DPP6: variants seen among roughly 807,000 people sequenced by gnomAD.
DPP6 encodes dipeptidyl peptidase like 6.
In DPP6, 69 loss-of-function variants were observed where a neutral mutation model predicts 122.6. That is an observed-to-expected ratio of 0.56 (90% CI 0.46 to 0.69). The LOEUF (loss-of-function observed/expected upper bound fraction) is 0.69, where lower values mean the gene tolerates loss of function less well. Ranked by LOEUF, DPP6 falls within the 30% of genes least tolerant of loss-of-function variation. DPP6 has a pLI of 0.00. For missense variants in DPP6, 928 were observed against 1,116.9 expected (o/e 0.83, Z 2.41); for synonymous variants, 418 against 433.1 (o/e 0.97, Z 0.43).
intron 10 of DPP6, among the ~76,000 whole-genome samples, chr7:154,792,320 T>C (rs1219571800): frequency 6.6e-6 from 1 of 152,256 alleles, no homozygotes; most frequent in East Asian, 1.9e-4. Context: ...TAAATGGCAG[T>C]TTCCCTGCAC....
Position 154,760,841 on chromosome 7 carries a change from G to GTTTTT in DPP6, c.884-8567_884-8563dup, listed in dbSNP as rs60134336. Among the ~76,000 whole-genome samples, 22 of 145,488 alleles carry GTTTTT rather than the reference G, an allele frequency of 1.5e-4. No individual in the cohort carries two copies. Among genetic ancestry groups the GTTTTT allele is most frequent in the African/African-American group, 5.6e-4 (22 of 39,340 alleles). On this transcript the variant is annotated intron_variant, in intron 8 of 25. Transcript: ENST00000377770. This position sits in a 1 kb window ranked among gnomAD's most constrained non-coding sequence, Gnocchi z 4.5. ...TCAGCCTTCCTCTTTCAAAACTTTT[G>GTTTTT]TTTTTTTTTTTTTGAGACAGTCTTG...
At chr7:154,322,679 A>G (rs1808081099) in intron 1 of DPP6, among the ~76,000 whole-genome samples, 3 of 152,220 alleles carry the variant, frequency 2.0e-5, no homozygotes. Context: ...CGACTCTAGC[A>G]AATCTCTTAA....
intron 1 of DPP6, among the ~76,000 whole-genome samples, chr7:154,394,472 T>C (rs915103692): frequency 2.3e-5 from 3 of 129,338 alleles, no homozygotes; most frequent in Admixed American, 8.5e-5. Context: ...AGAAGTTCTC[T>C]ATTTGTTAAT....
intron 16 of DPP6, among the ~76,000 whole-genome samples, chr7:154,834,678 G>A (rs1800907638): frequency 1.3e-5 from 2 of 152,254 alleles, no homozygotes; most frequent in Admixed American, 1.3e-4. Flanking sequence ...AGCGTAAAGT[G>A]CAAGACCTTC....
intron 7 of DPP6, among the ~76,000 whole-genome samples, chr7:154,708,477 T>C (rs1412264688): frequency 2.0e-5 from 3 of 152,214 alleles, no homozygotes; most frequent in Non-Finnish European, 4.4e-5. Flanking sequence ...AAGATTTCTT[T>C]TTGTTATTTT....
At chr7:154,310,359 C>A (rs180741289) in intron 1 of DPP6, among the ~76,000 whole-genome samples, 2 of 152,354 alleles carry the variant, frequency 1.3e-5, no homozygotes, top group African/African-American at 4.8e-5. Flanking sequence ...AGTTCACAAT[C>A]TTTTGGGATC....
the DPP6 span, among the ~76,000 whole-genome samples, chr7:153,817,582 T>C: frequency 1.3e-5 from 2 of 151,872 alleles, no homozygotes; most frequent in Non-Finnish European, 2.9e-5. Context: ...TGGAATACTA[T>C]GCAGCCATCA....
intron 1 of DPP6, among the ~76,000 whole-genome samples, chr7:153,977,031 C>T (rs574374863): frequency 2.0e-4 from 30 of 152,340 alleles, no homozygotes; most frequent in Non-Finnish European, 2.8e-4. Flanking sequence ...CTGCACACTT[C>T]TTCTAAGCTG....
chr7:154,797,141 GA>G (rs1385479102), intron 12 of DPP6, among the ~76,000 whole-genome samples: 6 of 152,112 alleles, frequency 3.9e-5, no homozygotes, highest in Admixed American at 3.9e-4. Flanking sequence ...ACAATAAAAG[GA>G]ACATTTTGTA....
At chr7:154,336,343 G>A (rs769042957) in intron 1 of DPP6, among the ~76,000 whole-genome samples, 5 of 152,168 alleles carry the variant, frequency 3.3e-5, no homozygotes, top group East Asian at 1.9e-4. Context: ...GGGATGGTAT[G>A]TGCTCTCCAT....
At position 154,631,495 on chromosome 7, in the gene DPP6, A is replaced by C. The variant is rs573693524; in HGVS notation, c.628-6326A>C. 9.9e-5 allele frequency among the ~76,000 whole-genome samples: 15 copies of C among 152,124 alleles called. No homozygotes were observed. In the East Asian group the frequency reaches 2.3e-3, roughly 24 times the overall value. On this transcript the variant is annotated intron_variant, in intron 5 of 25. Coordinates refer to ENST00000377770, the MANE Select transcript of DPP6 (RefSeq NM_130797.4). ...TGAAGCAGTGTAGACTTTGCTTGTG[A>C]AGGGCCATGATAGTTACAAGAAGGA...
chr7:154,329,659 G>C (rs1322119686), intron 1 of DPP6, among the ~76,000 whole-genome samples: 1 of 152,132 alleles, frequency 6.6e-6, no homozygotes, highest in Non-Finnish European at 1.5e-5. Context: ...AATACCATTT[G>C]ACCCAGCAAT....
At chr7:154,823,355 G>A (rs1252248307) in intron 16 of DPP6, among the ~76,000 whole-genome samples, 1 of 140,504 alleles carries the variant, frequency 7.1e-6, no homozygotes, top group African/African-American at 2.5e-5. Flanking sequence ...GGGTGACAGA[G>A]CAAGATCCTA....
intron 1 of DPP6, among the ~76,000 whole-genome samples, chr7:154,436,309 C>T (rs946860338): frequency 1.3e-5 from 2 of 151,508 alleles, no homozygotes; most frequent in Non-Finnish European, 2.9e-5. Flanking sequence ...GGGAAACCTG[C>T]CCCAGCTGGT....
Position 154,606,059 on chromosome 7 carries a change from G to T in DPP6, c.628-31762G>T, listed in dbSNP as rs1011355319. On this transcript the variant is annotated intron_variant, in intron 5 of 25. Coordinates refer to ENST00000377770, the MANE Select transcript of DPP6 (RefSeq NM_130797.4). ...ATCAAGAGTTTACTCAGTTTGAGAT[G>T]AAATTTCTGTATATTTGAGACTTTG... Among the ~76,000 whole-genome samples, 6 of 120,052 alleles carry T rather than the reference G, an allele frequency of 5.0e-5. 1 individual carries two copies. The highest frequency in any genetic ancestry group is 1.1e-4 in the Non-Finnish European group (6 of 53,274). 78.8% of individuals were successfully genotyped at this position (120,052 alleles called of 152,430 possible). A position where few individuals can be genotyped will look rare whatever the true frequency, so the allele number is the denominator to read the frequency against.
intron 2 of DPP6, among the ~76,000 whole-genome samples, chr7:154,456,403 A>C (rs1386051980): frequency 6.6e-6 from 1 of 152,160 alleles, no homozygotes; most frequent in African/African-American, 2.4e-5. Context: ...CTCCCATTTA[A>C]TCAGTCTCTT....
At chr7:154,630,538 C>T (rs6956843) in intron 5 of DPP6, among the ~76,000 whole-genome samples, 64,416 of 152,046 alleles carry the variant, frequency 0.42, 14,285 homozygotes, top group African/African-American at 0.57. Context: ...AAGAATGTAT[C>T]TCTCTAATGC....
At chr7:154,121,118 T>G (rs1319170236) in intron 1 of DPP6, among the ~76,000 whole-genome samples, 1 of 152,206 alleles carries the variant, frequency 6.6e-6, no homozygotes, top group African/African-American at 2.4e-5. Flanking sequence ...AACTGTAAGT[T>G]TCCTGAGTCC....
chr7:153,930,418 T>TG lies in DPP6; in HGVS notation c.51+42685dup, dbSNP rs531388312. 3.5e-4 allele frequency among the ~76,000 whole-genome samples: 53 copies of TG among 152,316 alleles called. No individual in the cohort carries two copies. In the South Asian group the frequency reaches 0.011, roughly 30 times the overall value. ...ATACTTAGAAACCAGCATCCTCTGA[T>TG]GTTCTCAGCAGGATATGGCTCCTAT... On this transcript the variant is annotated intron_variant, in intron 1 of 25. Coordinates refer to the DPP6 transcript ENST00000404039.
Sources: gnomAD v4.1 joint callset for allele counts (sites outside exome capture counted in the v4.1 genomes callset) on GRCh38, gnomAD v4.1.1 for gene constraint, Gnocchi (gnomAD v3.1) non-coding constraint, MANE v1.5 for transcripts, NCBI Gene and HGNC (gene_info 2026-07-23, HGNC 2026-07-21) for gene names.